PSMD1: variants seen among roughly 807,000 people sequenced by gnomAD.
The protein encoded by PSMD1 is proteasome 26S subunit, non-ATPase 1.
In PSMD1, 18 loss-of-function variants were observed where a neutral mutation model predicts 119.0. The observed-to-expected ratio is 0.15, with a 90% confidence interval of 0.10 to 0.22. The LOEUF (loss-of-function observed/expected upper bound fraction) is 0.22, where lower values mean the gene tolerates loss of function less well. PSMD1 is among the 10% of genes least tolerant of loss of function. The pLI, the probability that PSMD1 is intolerant of heterozygous loss-of-function variation, is 1.00. For missense variants in PSMD1, 702 were observed against 1,158.5 expected (o/e 0.61, Z 5.72); for synonymous variants, 374 against 396.6 (o/e 0.94, Z 0.68).
chr2:231,155,257 C>A (rs1003069865), intron 19 of PSMD1, among the ~76,000 whole-genome samples: 3 of 151,932 alleles, frequency 2.0e-5, no homozygotes, highest in Non-Finnish European at 4.4e-5. Flanking sequence ...ATTTATTAGC[C>A]ATTGAATTCT....
intron 20 of PSMD1, among the ~76,000 whole-genome samples, chr2:231,161,768 A>C (rs1191685301): frequency 6.6e-6 from 1 of 152,208 alleles, no homozygotes; most frequent in East Asian, 1.9e-4. Context: ...CTAAATATAA[A>C]CATACGAAGA....
Position 231,083,712 on chromosome 2 carries a change from T to C in PSMD1, c.1671T>C (p.Tyr557=), listed in dbSNP as rs761595933. 24 of 1,614,172 alleles carry C rather than the reference T, an allele frequency of 1.5e-5. No individual in the cohort carries two copies. In the Middle Eastern group the frequency reaches 8.2e-4, roughly 55 times the overall value. Residue 557 remains tyrosine (Y), a synonymous_variant, in exon 14 of 25, where the codon TAT becomes TAC. Transcript: ENST00000308696. ...GLAVGIALVM[Y]GRMEEADALI... ...CAGTTGGCATAGCTTTAGTAATGTA[T>C]GGGAGGATGGAAGAGGCTGATGCTC...
rs1559215446 is a variant in PSMD1, at chr2:231,062,281, A to G, written c.94A>G (p.Asn32Asp). The G allele has an allele frequency of 6.2e-7, 1 of 1,613,186 alleles. No homozygotes were observed. Among genetic ancestry groups the G allele is most frequent in the Non-Finnish European group, 8.5e-7 (1 of 1,179,374 alleles). The change falls in exon 3 of 25, where the codon AAT becomes GAT. Residue 32 changes from asparagine to aspartate, a missense_variant. Coordinates refer to ENST00000308696, the MANE Select transcript of PSMD1 (RefSeq NM_002807.4). Reference protein sequence around the residue: ...FALHKLNAVVNDFWAEISESV... With the variant: ...FALHKLNAVVDDFWAEISESV... ...ACTACACAAATTGAATGCAGTTGTTAATGACTTCTGGGCAGAAATTTCCGA... is the reference window on the plus strand; with the variant it reads ...ACTACACAAATTGAATGCAGTTGTTGATGACTTCTGGGCAGAAATTTCCGA...
chr2:231,089,979 C>CA (rs1694548453), intron 16 of PSMD1, among the ~76,000 whole-genome samples: 1 of 152,188 alleles, frequency 6.6e-6, no homozygotes, highest in Non-Finnish European at 1.5e-5. Flanking sequence ...AGTTGACACT[C>CA]AGTATTAACC....
Position 231,139,291 on chromosome 2 carries a change from A to G in PSMD1, c.1998+441A>G, listed in dbSNP as rs13022654. ...AGTGCTGGGATTACAGGCATGAGCC[A>G]CCGCACCAGGCTTTTTTTCTTTCTT... is the stretch of plus-strand genomic sequence containing the variant. On this transcript the variant is annotated intron_variant, in intron 17 of 24. Transcript: ENST00000308696. Among the ~76,000 whole-genome samples, 11 of 141,698 alleles carry G rather than the reference A, an allele frequency of 7.8e-5. No homozygotes were observed. The East Asian group carries it at 1.6e-3, about 21-fold the overall frequency. The allele number at this position is 141,698 out of a possible 152,430, so 93.0% of individuals were successfully genotyped here.
chr2:231,109,316 TCGCCA>T, intron 16 of PSMD1: 1 of 1,614,064 alleles, frequency 6.2e-7, no homozygotes, highest in East Asian at 2.2e-5. Flanking sequence ...GAGCATGAAA[TCGCCA>T]AAACGTTCCT....
At chr2:231,107,278 C>A (rs1228330864) in intron 16 of PSMD1, among the ~76,000 whole-genome samples, 1 of 152,142 alleles carries the variant, frequency 6.6e-6, no homozygotes, top group African/African-American at 2.4e-5. Context: ...CACTGAGATT[C>A]TCCGTAGCCA....
At chr2:231,058,952 GTCTC>G (rs60086521) in intron 1 of PSMD1, among the ~76,000 whole-genome samples, 4 of 150,572 alleles carry the variant, frequency 2.7e-5, no homozygotes, top group East Asian at 1.9e-4. Flanking sequence ...CCTGATCACT[GTCTC>G]TCTCTCTCTC....
intron 18 of PSMD1, among the ~76,000 whole-genome samples, chr2:231,148,371 C>A (rs1696295212): frequency 6.6e-6 from 1 of 152,162 alleles, no homozygotes; most frequent in African/African-American, 2.4e-5. Flanking sequence ...TTCTGTCTTC[C>A]CATCCTCTGC....
intron 16 of PSMD1, among the ~76,000 whole-genome samples, chr2:231,097,792 C>G (rs2125189932): frequency 6.6e-6 from 1 of 152,204 alleles, no homozygotes; most frequent in Non-Finnish European, 1.5e-5. Flanking sequence ...TTTACAGTGT[C>G]TTATTTTTCC....
At chr2:231,159,567 A>C (rs1696587508) in intron 19 of PSMD1, among the ~76,000 whole-genome samples, 2 of 152,160 alleles carry the variant, frequency 1.3e-5, no homozygotes, top group Non-Finnish European at 2.9e-5. Flanking sequence ...CTCCCAGCCC[A>C]CTTATTCCTT....
chr2:231,104,405 A>G (rs554636193), intron 16 of PSMD1, among the ~76,000 whole-genome samples: 34 of 152,266 alleles, frequency 2.2e-4, no homozygotes, highest in African/African-American at 7.5e-4. Flanking sequence ...GCTACTTCTA[A>G]GGGACCATTC....
Position 231,083,004 on chromosome 2 carries a change from T to G in PSMD1, c.1525+10T>G. ...GATGATGCAGTAACAGGTAAGCATT[T>G]CTTTCTAAAGCTAACAAGCTTAAGT... On this transcript the variant is annotated intron_variant, in intron 13 of 24. Transcript: ENST00000308696. 1 of 1,578,442 alleles carries G rather than the reference T, an allele frequency of 6.3e-7. No homozygotes were observed. Among genetic ancestry groups the G allele is most frequent in the South Asian group, 1.1e-5 (1 of 90,000 alleles).
At position 231,163,737 on chromosome 2, in the gene PSMD1, T is replaced by G; in HGVS notation, c.2481+10T>G. The stretch of plus-strand genomic sequence containing the variant: ...AAAAGAAAAGGAAAAGGTAGGTTCT[T>G]TGTTCCTTTTAGCAGCATTTGTACT... On this transcript the variant is annotated intron_variant, in intron 21 of 24. Coordinates refer to ENST00000308696, the MANE Select transcript of PSMD1 (RefSeq NM_002807.4). 1 of 1,576,492 alleles carries G rather than the reference T, an allele frequency of 6.3e-7. No individual in the cohort carries two copies.
chr2:231,072,130 A>T, intron 6 of PSMD1, 59 bp from the exon 7 acceptor site: 2 of 1,405,988 alleles, frequency 1.4e-6, no homozygotes, highest in Non-Finnish European at 2.0e-6. Context: ...TTGTCTCCTT[A>T]AGTACCTTGT....
intron 18 of PSMD1, among the ~76,000 whole-genome samples, chr2:231,149,386 A>T (rs1696323196): frequency 6.6e-6 from 1 of 152,152 alleles, no homozygotes; most frequent in Non-Finnish European, 1.5e-5. Flanking sequence ...CACCATTAAG[A>T]TGGGCACAGT....
intron 16 of PSMD1, among the ~76,000 whole-genome samples, chr2:231,128,429 A>G (rs567704020): frequency 2.0e-5 from 3 of 152,334 alleles, no homozygotes; most frequent in Admixed American, 2.0e-4. Context: ...CTTTGACAAG[A>G]TCAGTGAAAG....
At chr2:231,117,936 T>C (rs1695399803) in intron 16 of PSMD1, among the ~76,000 whole-genome samples, 1 of 152,174 alleles carries the variant, frequency 6.6e-6, no homozygotes, top group African/African-American at 2.4e-5. Context: ...GTTGGTTCTG[T>C]ATGCCAAATA....
chr2:231,101,238 A>C (rs1222780644), intron 16 of PSMD1, among the ~76,000 whole-genome samples: 1 of 152,208 alleles, frequency 6.6e-6, no homozygotes, highest in Non-Finnish European at 1.5e-5. Context: ...AGGAATAAAC[A>C]AATTTATCTA....
Sources: gnomAD v4.1 joint callset for allele counts (sites outside exome capture counted in the v4.1 genomes callset) on GRCh38, gnomAD v4.1.1 for gene constraint, MANE v1.5 for transcripts, NCBI Gene and HGNC (gene_info 2026-07-23, HGNC 2026-07-21) for gene names.